Variants in CNTN6 observed in about 807,000 individuals in gnomAD.
The protein encoded by CNTN6 is contactin 6, also known as contactin-6.
In CNTN6, 137 loss-of-function variants were observed where a neutral mutation model predicts 122.8. The observed-to-expected ratio is 1.12, with a 90% CI of 0.97 to 1.29. CNTN6 has a LOEUF of 1.29. Among genes scored for constraint, CNTN6 ranks in the 50% most tolerant of loss-of-function variants. The pLI, the probability that CNTN6 is intolerant of heterozygous loss-of-function variation, is 0.00. For missense variants in CNTN6, 1,634 were observed against 1,223.4 expected, an observed-to-expected ratio of 1.34 and a Z score of -5.01; for synonymous variants, 570 against 426.0, an observed-to-expected ratio of 1.34 and a Z score of -4.16.
chr3:1,160,979 C>A (rs1162704068), intron 2 of CNTN6, among the ~76,000 whole-genome samples: 1 of 151,584 alleles, frequency 6.6e-6, no homozygotes, highest in Admixed American at 6.6e-5. Flanking sequence ...GAATATTTTC[C>A]TATTACTTAT....
intron 12 of CNTN6, among the ~76,000 whole-genome samples, chr3:1,359,128 G>A (rs571441422): frequency 1.3e-5 from 2 of 151,960 alleles, no homozygotes; most frequent in Non-Finnish European, 2.9e-5. Flanking sequence ...GTTACTATTG[G>A]AGAATAGTCT....
intron 2 of CNTN6, among the ~76,000 whole-genome samples, chr3:1,151,714 G>A (rs1300324823): frequency 6.6e-6 from 1 of 152,186 alleles, no homozygotes; most frequent in Non-Finnish European, 1.5e-5. Flanking sequence ...AGGGAAACCA[G>A]CAAGTAAGTC....
intron 16 of CNTN6, among the ~76,000 whole-genome samples, chr3:1,375,340 G>A (rs993751488): frequency 6.6e-6 from 1 of 152,016 alleles, no homozygotes; most frequent in African/African-American, 2.4e-5. Context: ...AGCAGAATGA[G>A]ACTGGTGATA....
At chr3:1,349,687 G>A (rs1312829436) in intron 11 of CNTN6, among the ~76,000 whole-genome samples, 4 of 151,512 alleles carry the variant, frequency 2.6e-5, no homozygotes, top group Non-Finnish European at 4.4e-5. Context: ...AATCATTTCT[G>A]CTAAGACGTG....
intron 1 of CNTN6, among the ~76,000 whole-genome samples, chr3:1,104,765 G>A (rs926616402): frequency 6.6e-6 from 1 of 152,042 alleles, no homozygotes; most frequent in Admixed American, 6.5e-5. Flanking sequence ...GTGCGTGTGT[G>A]TGCATTTAAA....
intron 2 of CNTN6, among the ~76,000 whole-genome samples, chr3:1,171,091 T>C (rs932458680): frequency 2.6e-5 from 4 of 152,182 alleles, no homozygotes; most frequent in Admixed American, 2.6e-4. Context: ...CATAACTCTA[T>C]GGACCAGATC....
At position 1,373,955 on chromosome 3, in the gene CNTN6, T is replaced by C. The variant is rs1487986003; in HGVS notation, c.1977T>C (p.Asn659=). The C allele has an allele frequency of 7.4e-6, 12 of 1,612,974 alleles. No individual in the cohort carries two copies. Among genetic ancestry groups the C allele is most frequent in the Non-Finnish European group, 1.0e-5 (12 of 1,179,304 alleles). ...AAATTCTCAATGGTAAGACATACAA[T>C]GCAACAGTGGTTGGTTTGAGTCCTT... The part of the protein sequence containing the change: ...VPEILNGKTY[N]ATVVGLSPWV... Residue 659 remains asparagine, a synonymous_variant, in exon 16 of 23, where the codon AAT becomes AAC. Coordinates refer to ENST00000446702, the MANE Select transcript of CNTN6 (RefSeq NM_001289080.2).
chr3:1,269,236 G>C (rs1468085608), intron 4 of CNTN6, among the ~76,000 whole-genome samples: 1 of 152,092 alleles, frequency 6.6e-6, no homozygotes, highest in Non-Finnish European at 1.5e-5. Flanking sequence ...TCAATAGCTA[G>C]TGCATGCACG....
intron 20 of CNTN6, among the ~76,000 whole-genome samples, chr3:1,399,757 G>C (rs1351722599): frequency 6.6e-6 from 1 of 152,082 alleles, no homozygotes; most frequent in Non-Finnish European, 1.5e-5. Flanking sequence ...TGAATTGGAT[G>C]TCTCCTATGT....
In CNTN6 at chr3:1,373,056, G is replaced by T; in HGVS notation, c.1786+101G>T. 2.0e-5 allele frequency: 14 copies of T among 694,822 alleles called. No individual in the cohort carries two copies. In the South Asian group the frequency reaches 2.8e-4, roughly 14 times the overall value. 43.0% of individuals were successfully genotyped at this position (694,822 alleles called of 1,614,324 possible). A position where few individuals can be genotyped will look rare whatever the true frequency, so the allele number is the denominator to read the frequency against. On this transcript the variant is annotated intron_variant, in intron 14 of 22. Transcript: ENST00000446702. ...TGAGAAACCACACCATGTTATGGAA[G>T]TGAGATGTAATCAGATAGAGTTTTA... is the stretch of plus-strand genomic sequence containing the variant.
In CNTN6 at chr3:1,252,536, T is replaced by A. The variant is rs933287642; in HGVS notation, c.358+24543T>A. 2.0e-5 allele frequency among the ~76,000 whole-genome samples: 3 copies of A among 152,228 alleles called. No individual in the cohort carries two copies. In the East Asian group the frequency reaches 5.8e-4, roughly 29 times the overall value. ...TTAATTGTGGATAACTATTTCACTT[T>A]ACGGAAATAATACAACAAACACTTT... is the stretch of plus-strand genomic sequence containing the variant. On this transcript the variant is annotated intron_variant, in intron 4 of 22. Transcript: ENST00000446702.
chr3:1,295,480 C>A lies in CNTN6; in HGVS notation c.455-121C>A, dbSNP rs887634552. ...CACCAGATGACAGCTATCAACTGAGCAAATAGAGGCACAATTTTCTCCTAA... is the reference window on the plus strand; with the variant it reads ...CACCAGATGACAGCTATCAACTGAGAAAATAGAGGCACAATTTTCTCCTAA... On this transcript the variant is annotated intron_variant, in intron 5 of 22. Coordinates refer to ENST00000446702, the MANE Select transcript of CNTN6 (RefSeq NM_001289080.2). 4 of 738,168 alleles carry A rather than the reference C, an allele frequency of 5.4e-6. No homozygotes were observed. The East Asian group carries it at 8.1e-5, about 15-fold the overall frequency. 45.7% of individuals were successfully genotyped at this position (738,168 alleles called of 1,614,324 possible). A position where few individuals can be genotyped will look rare whatever the true frequency, so the allele number is the denominator to read the frequency against.
Position 1,401,466 on chromosome 3 carries a change from A to T in CNTN6, c.2738A>T (p.Lys913Met). 1.2e-6 allele frequency: 2 copies of T among 1,612,162 alleles called. No homozygotes were observed. The highest frequency in any genetic ancestry group is 1.7e-6 in the Non-Finnish European group (2 of 1,178,684). Reference protein sequence around the residue: ...PSQPPANIAWKLTNSKLCLNW... With the variant: ...PSQPPANIAWMLTNSKLCLNW... The stretch of plus-strand genomic sequence containing the variant: ...CAACCACCAGCAAACATTGCCTGGA[A>T]GCTGACAAACTCTAAATTATGCTTG... Residue 913 changes from lysine to methionine, a missense_variant, in exon 21 of 23, where the codon AAG becomes ATG. Physicochemically the swap from Lys to Met is moderately conservative, Grantham distance 95. Transcript: ENST00000446702.
intron 2 of CNTN6, among the ~76,000 whole-genome samples, chr3:1,162,604 G>A (rs1474196017): frequency 6.6e-6 from 1 of 152,128 alleles, no homozygotes; most frequent in Non-Finnish European, 1.5e-5. Flanking sequence ...TAAGTTCATG[G>A]CCATACATTT....
intron 7 of CNTN6, among the ~76,000 whole-genome samples, chr3:1,311,280 T>C (rs1360755182): frequency 6.8e-6 from 1 of 145,988 alleles, no homozygotes; most frequent in Non-Finnish European, 1.5e-5. Flanking sequence ...TATACATACA[T>C]ATTTATATAT....
At chr3:1,202,467 G>A (rs1003446672) in intron 2 of CNTN6, among the ~76,000 whole-genome samples, 17 of 151,974 alleles carry the variant, frequency 1.1e-4, no homozygotes, top group Non-Finnish European at 1.5e-4. Flanking sequence ...GGGAACCCCG[G>A]GGGGCGGAGC....
At position 1,385,760 on chromosome 3, in the gene CNTN6, C is replaced by G; in HGVS notation, c.2667C>G (p.Pro889=). The G allele has an allele frequency of 6.2e-7, 1 of 1,613,128 alleles. No homozygotes were observed. Among genetic ancestry groups the G allele is most frequent in the African/African-American group, 1.3e-5 (1 of 74,980 alleles). Residue 889 remains proline (P), a synonymous_variant, in exon 20 of 23, where the codon CCC becomes CCG. Transcript: ENST00000446702. ...VRAYNTAGTG[P]SSPPVNVTTK... ...CTTACAACACTGCTGGGACAGGGCC[C>G]TCAAGCCCCCCAGTCAATGTTACCA... is the stretch of plus-strand genomic sequence containing the variant.
chr3:1,288,549 G>T (rs1694744854), intron 5 of CNTN6, among the ~76,000 whole-genome samples: 1 of 152,102 alleles, frequency 6.6e-6, no homozygotes, highest in Admixed American at 6.6e-5. Context: ...CCAAAGGGGG[G>T]ATTTACCCAG....
At chr3:1,243,786 G>A (rs531388728) in intron 4 of CNTN6, among the ~76,000 whole-genome samples, 2 of 152,304 alleles carry the variant, frequency 1.3e-5, no homozygotes, top group South Asian at 4.2e-4. Context: ...GTGAGGAGGG[G>A]AGGCTGAGGA....
Sources: gnomAD v4.1 joint callset for allele counts (sites outside exome capture counted in the v4.1 genomes callset) on GRCh38, gnomAD v4.1.1 for gene constraint, MANE v1.5 for transcripts, NCBI Gene and HGNC (gene_info 2026-07-23, HGNC 2026-07-21) for gene names.